The following PUDP variants were observed in gnomAD, a reference collection of about 807,000 sequenced individuals.
PUDP encodes pseudouridine-5'-phosphatase.
Under a neutral mutation model 9.4 loss-of-function variants are expected in PUDP, and 8 were observed. That is an observed-to-expected ratio of 0.85 (90% CI 0.50 to 1.53). The LOEUF (loss-of-function observed/expected upper bound fraction) is 1.53, where lower values mean the gene tolerates loss of function less well. Ranked by LOEUF, PUDP falls within the 40% of genes most tolerant of loss-of-function variation. The pLI is 0.00. For missense variants in PUDP, 188 were observed against 189.7 expected (o/e 0.99, Z 0.05); for synonymous variants, 99 against 80.7 (o/e 1.23, Z -1.22).
At chrX:6,843,220 T>C (rs976560669) in intron 3 of PUDP, among the ~76,000 whole-genome samples, 1 of 112,536 alleles carries the variant, frequency 8.9e-6, no homozygotes, top group African/African-American at 3.2e-5. Context: ...AGGGGCACCC[T>C]GGCTCTAATG....
chrX:6,709,154 C>T (rs996340412), intron 1 of PUDP, among the ~76,000 whole-genome samples: 1 of 111,749 alleles, frequency 8.9e-6, no homozygotes, highest in Non-Finnish European at 1.9e-5. Context: ...AATGTCACTC[C>T]CCCCACTTCA....
chrX:6,940,974 T>C (rs1363197171), intron 3 of PUDP, among the ~76,000 whole-genome samples: 2 of 112,374 alleles, frequency 1.8e-5, no homozygotes, highest in Admixed American at 1.9e-4. Context: ...AGCAATTTTA[T>C]GACAAGGCCA....
rs1403562241 is a variant in PUDP at position 6,720,254 on chromosome X, G to GTATATATA, written n.128+1162_128+1163insTATATATA. ...TGTGTGTATATATGTATGTGTGTGT[G>GTATATATA]TGTGTATATATATATATATATATAT... On this transcript the variant is annotated intron_variant and non_coding_transcript_variant, in intron 1 of 2. Coordinates refer to the PUDP transcript ENST00000438499. Among the ~76,000 whole-genome samples, 308 of 39,134 alleles carry GTATATATA rather than the reference G, an allele frequency of 7.9e-3. 1 individual carries two copies. Among genetic ancestry groups the GTATATATA allele is most frequent in the African/African-American group, 0.011 (75 of 6,832 alleles). The allele number at this position is 39,134 out of a possible 115,157, so 34.0% of individuals were successfully genotyped here. A position where few individuals can be genotyped will look rare whatever the true frequency, so the allele number is the denominator to read the frequency against.
rs765147301 is a variant in PUDP, at chrX:7,143,124, T to G, written c.61+4929A>C. Among the ~76,000 whole-genome samples, 5 of 98,881 alleles carry G rather than the reference T, an allele frequency of 5.1e-5. No homozygotes were observed. The South Asian group carries it at 2.2e-3, about 43-fold the overall frequency. 85.9% of individuals were successfully genotyped at this position (98,881 alleles called of 115,157 possible). A position where few individuals can be genotyped will look rare whatever the true frequency, so the allele number is the denominator to read the frequency against. ...AAAAGAATTACAACTCACTGAAGGA[T>G]GACATGATCCCTAGCACTTTTTTTT... On this transcript the variant is annotated intron_variant, in intron 1 of 3. Coordinates refer to ENST00000381077, the MANE Select transcript of PUDP (RefSeq NM_012080.5).
At chrX:6,884,130 G>T (rs1927389366) in intron 3 of PUDP, among the ~76,000 whole-genome samples, 1 of 112,300 alleles carries the variant, frequency 8.9e-6, no homozygotes, top group Non-Finnish European at 1.9e-5. Context: ...GTGAGCCACC[G>T]TGCCGGGCCT....
intron 1 of PUDP, among the ~76,000 whole-genome samples, chrX:7,018,941 A>C (rs1177155489): frequency 8.9e-6 from 1 of 112,675 alleles, no homozygotes; most frequent in Non-Finnish European, 1.9e-5. Flanking sequence ...TTGAGAACAG[A>C]AGCATTCCTA....
chrX:7,129,251 T>G (rs928447987), intron 1 of PUDP, among the ~76,000 whole-genome samples: 1 of 112,456 alleles, frequency 8.9e-6, no homozygotes, highest in Non-Finnish European at 1.9e-5. Flanking sequence ...TCCTTTCCAT[T>G]TTATATTCTC....
upstream of PUDP, chrX:6,721,649 C>T (rs1448689292): frequency 1.8e-5 from 2 of 111,924 alleles, no homozygotes; most frequent in African/African-American, 3.2e-5. Context: ...GGAGAAATAA[C>T]TTTATGTGTT....
At chrX:7,134,175 C>A (rs1489253714) in intron 1 of PUDP, among the ~76,000 whole-genome samples, 1 of 112,095 alleles carries the variant, frequency 8.9e-6, no homozygotes, top group Non-Finnish European at 1.9e-5. Context: ...CAGTTACCAA[C>A]GCAGCTCATG....
chrX:6,875,786 C>A (rs1569115067), intron 3 of PUDP, among the ~76,000 whole-genome samples: 2 of 112,105 alleles, frequency 1.8e-5, no homozygotes, highest in African/African-American at 6.5e-5. Context: ...TGTTGGCCTT[C>A]CATCCTTTGC....
chrX:6,884,031 G>A (rs949504336), intron 3 of PUDP, among the ~76,000 whole-genome samples: 3 of 110,986 alleles, frequency 2.7e-5, no homozygotes, highest in African/African-American at 6.5e-5. Context: ...TAGTAGAGAC[G>A]GGGTTTCACC....
At chrX:6,892,346 G>A (rs1449082760) in intron 3 of PUDP, among the ~76,000 whole-genome samples, 2 of 110,946 alleles carry the variant, frequency 1.8e-5, no homozygotes, top group Non-Finnish European at 3.8e-5. Context: ...AATCATACCC[G>A]AGACTTGGTA....
chrX:7,133,276 C>A (rs995780167), intron 1 of PUDP, among the ~76,000 whole-genome samples: 2 of 111,478 alleles, frequency 1.8e-5, no homozygotes, highest in East Asian at 5.6e-4. Flanking sequence ...TGAGGCCCAG[C>A]CAGGGAGGTC....
chrX:6,836,825 C>G (rs985072525), intron 3 of PUDP, among the ~76,000 whole-genome samples: 1 of 112,184 alleles, frequency 8.9e-6, no homozygotes, highest in Admixed American at 9.4e-5. Flanking sequence ...CTACACTGGG[C>G]AGAAAGCAGG....
At chrX:7,106,942 C>T (rs1188171558) in intron 1 of PUDP, among the ~76,000 whole-genome samples, 1 of 111,741 alleles carries the variant, frequency 8.9e-6, no homozygotes, top group Non-Finnish European at 1.9e-5. Flanking sequence ...TGATGACAAT[C>T]CCCCCAAGGC....
chrX:6,835,522 A>G (rs369518854), intron 3 of PUDP, among the ~76,000 whole-genome samples: 5 of 112,054 alleles, frequency 4.5e-5, no homozygotes, highest in African/African-American at 1.3e-4. Flanking sequence ...CATGTCTATA[A>G]GCAAGAATGC....
intron 2 of PUDP, among the ~76,000 whole-genome samples, chrX:7,086,724 T>C (rs1393032730): frequency 8.9e-6 from 1 of 112,337 alleles, no homozygotes; most frequent in African/African-American, 3.2e-5. Context: ...CCCTTGGCTG[T>C]GTGCAGATCT....
chrX:6,815,244 T>C (rs921960428), intron 3 of PUDP, among the ~76,000 whole-genome samples: 1 of 108,921 alleles, frequency 9.2e-6, no homozygotes, highest in Non-Finnish European at 1.9e-5. Flanking sequence ...GCCCCAAATA[T>C]GCCACATTCT....
At chrX:6,723,657 A>C (rs2146656451), upstream of PUDP, among the ~76,000 whole-genome samples, 1 of 101,783 alleles carries the variant, frequency 9.8e-6, no homozygotes, top group Non-Finnish European at 2.0e-5. Context: ...GGGCAACCTA[A>C]CAAAACCCCA....
Sources: gnomAD v4.1 joint callset for allele counts (sites outside exome capture counted in the v4.1 genomes callset) on GRCh38, gnomAD v4.1.1 for gene constraint, MANE v1.5 for transcripts, NCBI Gene and HGNC (gene_info 2026-07-23, HGNC 2026-07-21) for gene names.